Variants in MMS19 observed in about 807,000 individuals in gnomAD.
MMS19 encodes MMS19 nucleotide excision repair protein homolog.
A neutral mutation model predicts 129.8 loss-of-function variants in MMS19; 77 were observed. The observed-to-expected ratio is 0.59, with a 90% CI of 0.49 to 0.72. The LOEUF is 0.72. Among genes scored for constraint, MMS19 ranks in the 30% least tolerant of loss-of-function variants. MMS19 has a pLI of 0.00. For synonymous variants in MMS19, 491 were observed against 502.8 expected, an observed-to-expected ratio of 0.98 and a Z score of 0.31; for missense variants, 1,168 against 1,266.3, an observed-to-expected ratio of 0.92 and a Z score of 1.18.
chr10:97,466,817 A>G lies in MMS19; in HGVS notation c.1382T>C (p.Leu461Pro), dbSNP rs1206081499. The G allele has an allele frequency of 6.2e-7, 1 of 1,613,896 alleles. No homozygotes were observed. Among genetic ancestry groups the G allele is most frequent in the Non-Finnish European group, 8.5e-7 (1 of 1,179,896 alleles). The change falls in exon 15 of 31, where the codon CTT becomes CCT. Residue 461 changes from leucine to proline, a missense_variant. Coordinates refer to ENST00000438925, the MANE Select transcript of MMS19 (RefSeq NM_022362.5). Reference protein sequence around the residue: ...ALTDPSTQLQLVGIRTLTVLG... With the variant: ...ALTDPSTQLQPVGIRTLTVLG... ...GACTGTCAGTGTACGGATGCCAACA[A>G]GCTGAAGCTGGGTGCTGGGGTCTGT...
chr10:97,467,745 C>G, intron 13 of MMS19, 162 bp from the exon 14 acceptor site: 1 of 631,656 alleles, frequency 1.6e-6, no homozygotes, highest in Non-Finnish European at 2.7e-6. Context: ...CTCCCTGCAG[C>G]CCCGACCTCC....
chr10:97,461,609 T>C lies in MMS19; in HGVS notation c.2198A>G (p.Gln733Arg). The stretch of plus-strand genomic sequence containing the variant: ...AAGCTCCCGCATGAGTTGGTTCAGC[T>C]GAGGGATTTCCACCTACAGAAAACC... The part of the protein sequence containing the change: ...CSLPRNVEIP[Q>R]LNQLMRELLE... The change falls in exon 23 of 31, where the codon CAG becomes CGG. Residue 733 changes from glutamine to arginine, a missense_variant. By Grantham distance (43) the Gln-to-Arg change is conservative (BLOSUM62 1). Around this residue, in one of 3 missense-constraint regions of MMS19, gnomAD observed 831 missense variants for 910.8 expected, o/e 0.91. Coordinates refer to ENST00000438925, the MANE Select transcript of MMS19 (RefSeq NM_022362.5). The C allele has an allele frequency of 6.3e-7, 1 of 1,599,174 alleles. No homozygotes were observed. Among genetic ancestry groups the C allele is most frequent in the Non-Finnish European group, 8.5e-7 (1 of 1,172,818 alleles).
At chr10:97,459,338 AAG>A in intron 28 of MMS19, 22 bp downstream of exon 28, 1 of 1,610,444 alleles carries the variant, frequency 6.2e-7, no homozygotes, top group Non-Finnish European at 8.5e-7. Context: ...GCTGGTGCCT[AAG>A]AGTTGCTGGG....
At chr10:97,470,942 G>T in intron 8 of MMS19, 81 bp from the exon 9 acceptor site, 2 of 1,119,428 alleles carry the variant, frequency 1.8e-6, no homozygotes, top group Non-Finnish European at 2.6e-6. Flanking sequence ...TAACCCTGCA[G>T]AACAGGGTGA....
rs2036027771 is a variant in MMS19 at position 97,477,786 on chromosome 10, G to GC, written c.423+68dup. 3 of 1,088,672 alleles carry GC rather than the reference G, an allele frequency of 2.8e-6. No individual in the cohort carries two copies. In the African/African-American group the frequency reaches 4.8e-5, roughly 17 times the overall value. The allele number at this position is 1,088,672 out of a possible 1,614,324, so 67.4% of individuals were successfully genotyped here. ...CAGAACTTAGAAGGCAATAATTTTTGCTATTGAATCCCAGTTATGTCAAGG... is the reference window on the plus strand; with the variant it reads ...CAGAACTTAGAAGGCAATAATTTTTGCCTATTGAATCCCAGTTATGTCAAGG... On this transcript the variant is annotated intron_variant, in intron 5 of 30. Transcript: ENST00000438925.
chr10:97,484,081 A>G, intron 2 of MMS19, 22 bp downstream of exon 2: 1 of 1,498,286 alleles, frequency 6.7e-7, no homozygotes, highest in South Asian at 1.2e-5. Flanking sequence ...GGAGAAGAAC[A>G]TTCTATAGCA....
intron 1 of MMS19, among the ~76,000 whole-genome samples, chr10:97,484,956 T>C (rs191626995): frequency 3.8e-4 from 58 of 152,186 alleles, no homozygotes; most frequent in African/African-American, 1.4e-3. Context: ...GTATTTTGTA[T>C]TTCTTTGTAG....
In MMS19 at chr10:97,466,799, A is replaced by G; in HGVS notation, c.1400T>C (p.Leu467Pro). The G allele has an allele frequency of 6.2e-7, 1 of 1,614,010 alleles. No individual in the cohort carries two copies. The highest frequency in any genetic ancestry group is 1.1e-5 in the South Asian group (1 of 91,086). The part of the protein sequence containing the change: ...TQLQLVGIRT[L>P]TVLGAQPDLL... ...ACCTGGCTGGGCACCCAAGACTGTC[A>G]GTGTACGGATGCCAACAAGCTGAAG... The change falls in exon 15 of 31, where the codon CTG becomes CCG. Residue 467 changes from leucine (L) to proline (P), a missense_variant. Leu to Pro is a moderately conservative substitution (Grantham distance 98). Transcript: ENST00000438925.
intron 17 of MMS19, 31 bp downstream of exon 17, chr10:97,466,028 G>T: frequency 6.2e-7 from 1 of 1,612,354 alleles, no homozygotes; most frequent in Non-Finnish European, 8.5e-7. Context: ...TGCTGGAAAG[G>T]GATGGGCCAC....
chr10:97,479,086 G>C (rs7067759), intron 3 of MMS19, among the ~76,000 whole-genome samples: 3,824 of 152,096 alleles, frequency 0.025, 178 homozygotes, highest in African/African-American at 0.087. Context: ...CTTGGCTTTG[G>C]AGCCCTCCCT....
chr10:97,477,766 C>A, intron 5 of MMS19, 89 bp downstream of exon 5: 1 of 892,072 alleles, frequency 1.1e-6, no homozygotes, highest in Non-Finnish European at 1.7e-6. Context: ...GAATTCAGAA[C>A]TTAGAAGGCA....
chr10:97,475,413 C>G (rs542712257), intron 8 of MMS19, among the ~76,000 whole-genome samples: 1 of 152,314 alleles, frequency 6.6e-6, no homozygotes, highest in East Asian at 1.9e-4. Context: ...AATGAATTAT[C>G]TTTTCAAAAC....
intron 26 of MMS19, 112 bp from the exon 27 acceptor site, chr10:97,459,853 G>T: frequency 3.0e-6 from 3 of 1,006,588 alleles, no homozygotes; most frequent in Non-Finnish European, 4.5e-6. Context: ...GGGTGAAAGA[G>T]CCCTTCACGC....
At chr10:97,472,303 G>A (rs1206105101) in intron 8 of MMS19, among the ~76,000 whole-genome samples, 7 of 152,172 alleles carry the variant, frequency 4.6e-5, no homozygotes, top group Non-Finnish European at 8.8e-5. Flanking sequence ...GCAATGGCAC[G>A]ATCTTGGCTC....
At chr10:97,476,807 T>G in intron 7 of MMS19, 28 bp downstream of exon 7, 1 of 1,613,836 alleles carries the variant, frequency 6.2e-7, no homozygotes, top group Non-Finnish European at 8.5e-7. Context: ...AAAGCTCCAA[T>G]GAGCTAATCA....
chr10:97,458,635 C>CAA lies in MMS19; in HGVS notation c.*55_*56dup. On this transcript the variant is annotated 3_prime_UTR_variant, in exon 31 of 31. Transcript: ENST00000438925. Reference sequence around the variant, plus strand: ...TTTCCCTGCTTTGGGGAAGATGGCTCAACAGTTAGTAATCCCAGGTTAGAT... The same window carrying CAA: ...TTTCCCTGCTTTGGGGAAGATGGCTCAAAACAGTTAGTAATCCCAGGTTAGAT... 1 of 1,539,092 alleles carries CAA rather than the reference C, an allele frequency of 6.5e-7. No individual in the cohort carries two copies. Among genetic ancestry groups the CAA allele is most frequent in the Non-Finnish European group, 8.8e-7 (1 of 1,137,700 alleles).
At chr10:97,466,012 A>C in intron 17 of MMS19, 47 bp downstream of exon 17, 2 of 1,611,838 alleles carry the variant, frequency 1.2e-6, no homozygotes, top group Non-Finnish European at 1.7e-6. Flanking sequence ...GAAGGCCCCA[A>C]AGCCTTGCTG....
chr10:97,484,042 G>GT (rs1181229385), intron 2 of MMS19, 61 bp downstream of exon 2: 5 of 1,177,360 alleles, frequency 4.2e-6, no homozygotes, highest in Non-Finnish European at 4.8e-6. Flanking sequence ...ATGCGCAAAA[G>GT]TAACTTTTCA....
At chr10:97,464,215 T>C (rs562609047) in intron 18 of MMS19, among the ~76,000 whole-genome samples, 1 of 152,332 alleles carries the variant, frequency 6.6e-6, no homozygotes, top group South Asian at 2.1e-4. Context: ...TGTCCCAGGC[T>C]CTGCAGCAGA....
Sources: gnomAD v4.1 joint callset for allele counts (sites outside exome capture counted in the v4.1 genomes callset) on GRCh38, gnomAD v4.1.1 for gene constraint, gnomAD v4.1.1 regional missense constraint, MANE v1.5 for transcripts, NCBI Gene and HGNC (gene_info 2026-07-23, HGNC 2026-07-21) for gene names.